Variants in LDLRAD3 observed in about 807,000 individuals in gnomAD.
LDLRAD3 encodes low density lipoprotein receptor class A domain containing 3.
A neutral mutation model predicts 29.4 loss-of-function variants in LDLRAD3; 20 were observed. The observed-to-expected ratio is 0.68, with a 90% CI of 0.48 to 0.99. The LOEUF is 0.99. Ranked by LOEUF, LDLRAD3 falls within the 50% of genes least tolerant of loss-of-function variation. LDLRAD3 has a pLI of 0.00. For missense variants in LDLRAD3, 420 were observed against 454.3 expected (o/e 0.92, Z 0.69); for synonymous variants, 157 against 192.7 (o/e 0.81, Z 1.53).
At chr11:36,206,853 A>G (rs184423570) in intron 4 of LDLRAD3, among the ~76,000 whole-genome samples, 540 of 150,974 alleles carry the variant, frequency 3.6e-3, no homozygotes, top group Non-Finnish European at 6.6e-3. Context: ...CAGCCTCACG[A>G]GTAGCTGGAT....
At chr11:36,120,984 C>T (rs1853747425) in intron 4 of LDLRAD3, among the ~76,000 whole-genome samples, 1 of 152,160 alleles carries the variant, frequency 6.6e-6, no homozygotes, top group Non-Finnish European at 1.5e-5. Context: ...TGATCTTAGA[C>T]TTCCCAGCCT....
chr11:36,011,058 G>A (rs1368394602), intron 1 of LDLRAD3, among the ~76,000 whole-genome samples: 1 of 152,164 alleles, frequency 6.6e-6, no homozygotes, highest in African/African-American at 2.4e-5. Flanking sequence ...GCCTGCCTTG[G>A]CCTCCCAAAG....
chr11:36,167,792 G>A (rs1160282387), intron 4 of LDLRAD3, among the ~76,000 whole-genome samples: 2 of 152,146 alleles, frequency 1.3e-5, no homozygotes, highest in African/African-American at 4.8e-5. Flanking sequence ...AGCAGCCCTG[G>A]GAAGCTAGCA....
intron 1 of LDLRAD3, chr11:35,967,611 C>A (rs1851357982): frequency 4.4e-6 from 2 of 457,470 alleles, no homozygotes; most frequent in Admixed American, 2.5e-5. Context: ...AACTAATCAG[C>A]TTCATTTTCA....
At chr11:36,156,988 G>C (rs1018307499) in intron 4 of LDLRAD3, among the ~76,000 whole-genome samples, 1 of 152,220 alleles carries the variant, frequency 6.6e-6, no homozygotes, top group African/African-American at 2.4e-5. Flanking sequence ...TGTTAGTACA[G>C]ATCTCCTCTG....
intron 4 of LDLRAD3, among the ~76,000 whole-genome samples, chr11:36,108,409 A>C (rs1056859481): frequency 6.6e-6 from 1 of 151,258 alleles, no homozygotes; most frequent in Non-Finnish European, 1.5e-5. Context: ...AGAATTGAAG[A>C]ACGGTAATAG....
chr11:36,012,157 G>T (rs1028365145), intron 1 of LDLRAD3, among the ~76,000 whole-genome samples: 1 of 152,128 alleles, frequency 6.6e-6, no homozygotes, highest in African/African-American at 2.4e-5. Flanking sequence ...CCCAGTGGAT[G>T]CCTGAAACCG....
At chr11:36,099,616 G>A (rs1386791332) in intron 4 of LDLRAD3, among the ~76,000 whole-genome samples, 1 of 152,200 alleles carries the variant, frequency 6.6e-6, no homozygotes, top group African/African-American at 2.4e-5. Context: ...TCATATATTG[G>A]GAGGTAGGAT....
chr11:36,135,674 C>T (rs894535323), intron 4 of LDLRAD3, among the ~76,000 whole-genome samples: 1 of 152,198 alleles, frequency 6.6e-6, no homozygotes, highest in Non-Finnish European at 1.5e-5. Context: ...CTTTGGGAAG[C>T]CGAGGCGGGC....
At chr11:35,949,657 A>G in intron 1 of LDLRAD3, among the ~76,000 whole-genome samples, 1 of 152,204 alleles carries the variant, frequency 6.6e-6, no homozygotes. Context: ...GTGTCACTTT[A>G]TAACACTTCA....
chr11:36,069,049 T>C (rs566248129), intron 2 of LDLRAD3, among the ~76,000 whole-genome samples: 2 of 152,350 alleles, frequency 1.3e-5, no homozygotes, highest in South Asian at 4.1e-4. Context: ...CAATATGTTA[T>C]TTTAGGAAGA....
At chr11:36,171,749 A>G (rs556783446) in intron 4 of LDLRAD3, among the ~76,000 whole-genome samples, 5 of 152,074 alleles carry the variant, frequency 3.3e-5, no homozygotes, top group Non-Finnish European at 5.9e-5. Context: ...TTGAAGTTGG[A>G]TAATGTGATG....
In LDLRAD3 at chr11:35,985,607, C is replaced by T. The variant is rs1038803752; in HGVS notation, c.46+41463C>T. Among the ~76,000 whole-genome samples the T allele has an allele frequency of 3.3e-5, 5 of 152,224 alleles. No homozygotes were observed. The South Asian group carries it at 6.2e-4, about 19-fold the overall frequency. ...TGAATTGTAGCTCCCATAATCCCTA[C>T]GTGTTGTGGGAGGGATCTGGTGGGA... On this transcript the variant is annotated intron_variant, in intron 1 of 5. Coordinates refer to ENST00000315571, the MANE Select transcript of LDLRAD3 (RefSeq NM_174902.4).
intron 3 of LDLRAD3, among the ~76,000 whole-genome samples, chr11:36,092,672 A>G (rs1422365274): frequency 1.3e-5 from 2 of 152,114 alleles, no homozygotes; most frequent in African/African-American, 4.8e-5. Flanking sequence ...TCTTGCTGCC[A>G]GTTTGTCTGC....
At position 36,066,000 on chromosome 11, in the gene LDLRAD3, G is replaced by C. The variant is rs139931815; in HGVS notation, c.194-15653G>C. On this transcript the variant is annotated intron_variant, in intron 2 of 5. Transcript: ENST00000315571. ...CTCAAGGTTTGCTAGGAGCCAAGGGGATGGGAGAGGGTGGAGGCTCTGAAA... is the reference window on the plus strand; with the variant it reads ...CTCAAGGTTTGCTAGGAGCCAAGGGCATGGGAGAGGGTGGAGGCTCTGAAA... Among the ~76,000 whole-genome samples, 106 of 152,276 alleles carry C rather than the reference G, an allele frequency of 7.0e-4. 1 individual carries two copies. Among genetic ancestry groups the C allele is most frequent in the Admixed American group, 1.0e-3 (16 of 15,300 alleles).
Position 36,225,355 on chromosome 11 carries a change from G to A in LDLRAD3, c.455-1730G>A, listed in dbSNP as rs75745958. Among the ~76,000 whole-genome samples, 517 of 152,300 alleles carry A rather than the reference G, an allele frequency of 3.4e-3. 1 individual carries two copies. Among genetic ancestry groups the A allele is most frequent in the Admixed American group, 7.1e-3 (108 of 15,298 alleles). On this transcript the variant is annotated intron_variant, in intron 4 of 5. Coordinates refer to ENST00000315571, the MANE Select transcript of LDLRAD3 (RefSeq NM_174902.4). ...TGTAAAGATGAGGGGTCCCCAGCTC[G>A]GACCCCTGGTTTCCTCCACCTGCCT...
intron 4 of LDLRAD3, among the ~76,000 whole-genome samples, chr11:36,194,122 C>T (rs1854997050): frequency 6.6e-6 from 1 of 152,060 alleles, no homozygotes; most frequent in African/African-American, 2.4e-5. Context: ...TTTTGCTTTG[C>T]CAGAATACAG....
intron 3 of LDLRAD3, among the ~76,000 whole-genome samples, chr11:36,088,152 GC>G (rs1565213747): frequency 6.6e-6 from 1 of 151,850 alleles, no homozygotes; most frequent in African/African-American, 2.4e-5. Flanking sequence ...ACCCCACCCA[GC>G]CCCCCAAAAC....
chr11:36,070,716 G>A (rs1852886020), intron 2 of LDLRAD3, among the ~76,000 whole-genome samples: 1 of 152,172 alleles, frequency 6.6e-6, no homozygotes, highest in Admixed American at 6.5e-5. Flanking sequence ...TTCCCCTAGG[G>A]GAGAGACTCA....
Sources: gnomAD v4.1 joint callset for allele counts (sites outside exome capture counted in the v4.1 genomes callset) on GRCh38, gnomAD v4.1.1 for gene constraint, MANE v1.5 for transcripts, NCBI Gene and HGNC (gene_info 2026-07-23, HGNC 2026-07-21) for gene names.